Variants in ZDHHC2 observed in about 807,000 individuals in gnomAD.
ZDHHC2 encodes the protein zDHHC palmitoyltransferase 2, also known as palmitoyltransferase ZDHHC2.
In ZDHHC2, 51 loss-of-function variants were observed where a neutral mutation model predicts 55.6. That is an observed-to-expected ratio of 0.92 (90% CI 0.73 to 1.16). ZDHHC2 has a LOEUF of 1.16. Ranked by LOEUF, ZDHHC2 falls within the 50% of genes most tolerant of loss-of-function variation. The pLI, the probability that ZDHHC2 is intolerant of heterozygous loss-of-function variation, is 0.00. For missense variants in ZDHHC2, 491 were observed against 442.4 expected (o/e 1.11, Z -0.99); for synonymous variants, 199 against 152.9 (o/e 1.30, Z -2.22).
intron 3 of ZDHHC2, among the ~76,000 whole-genome samples, chr8:17,195,030 G>C (rs1164067232): frequency 6.6e-6 from 1 of 152,160 alleles, no homozygotes; most frequent in African/African-American, 2.4e-5. Context: ...AGACCCTTTA[G>C]AAGTGCTGGG....
intron 1 of ZDHHC2, among the ~76,000 whole-genome samples, chr8:17,184,313 C>T (rs989099215): frequency 6.6e-6 from 1 of 152,116 alleles, no homozygotes; most frequent in Non-Finnish European, 1.5e-5. Context: ...TGTGCATAAG[C>T]ATTTGTACTT....
intron 7 of ZDHHC2, among the ~76,000 whole-genome samples, chr8:17,206,416 A>G (rs1807104835): frequency 6.6e-6 from 1 of 152,224 alleles, no homozygotes; most frequent in African/African-American, 2.4e-5. Context: ...CCAGAGGTTC[A>G]TAGAAACCTA....
intron 1 of ZDHHC2, among the ~76,000 whole-genome samples, chr8:17,181,765 A>C (rs1327720588): frequency 6.6e-6 from 1 of 152,190 alleles, no homozygotes; most frequent in African/African-American, 2.4e-5. Flanking sequence ...TGTTATAAAT[A>C]ATCAAATTAT....
Position 17,221,033 on chromosome 8 carries a change from C to G in ZDHHC2, c.*812C>G, listed in dbSNP as rs201131131. On this transcript the variant is annotated 3_prime_UTR_variant, in exon 13 of 13. Coordinates refer to ENST00000262096, the MANE Select transcript of ZDHHC2 (RefSeq NM_016353.5). ...TTATGACATTCTTTTGTCAGTTTGG[C>G]TTTCTAAAAATCTCTTTTTAGATTA... 1.9e-4 allele frequency: 29 copies of G among 152,348 alleles called. 2 individuals carry two copies. In the East Asian group the frequency reaches 5.6e-3, roughly 29 times the overall value. 9.4% of individuals were successfully genotyped at this position (152,348 alleles called of 1,614,324 possible). A position where few individuals can be genotyped will look rare whatever the true frequency, so the allele number is the denominator to read the frequency against.
At chr8:17,211,303 C>T (rs910819933) in intron 10 of ZDHHC2, among the ~76,000 whole-genome samples, 3 of 152,042 alleles carry the variant, frequency 2.0e-5, no homozygotes, top group South Asian at 2.1e-4. Context: ...CTTCATTAAA[C>T]GTTAGAGCTT....
intron 1 of ZDHHC2, among the ~76,000 whole-genome samples, chr8:17,168,319 T>G (rs1804701969): frequency 6.6e-6 from 1 of 152,216 alleles, no homozygotes; most frequent in Admixed American, 6.5e-5. Flanking sequence ...TGTTTTTCTC[T>G]GCTTATCACT....
chr8:17,191,467 T>C (rs1248050956), intron 3 of ZDHHC2, among the ~76,000 whole-genome samples: 1 of 152,210 alleles, frequency 6.6e-6, no homozygotes, highest in Admixed American at 6.5e-5. Flanking sequence ...AGTTTCCTAC[T>C]ACCCTTCCCA....
chr8:17,205,825 T>C, intron 7 of ZDHHC2, 50 bp downstream of exon 7: 1 of 1,529,650 alleles, frequency 6.5e-7, no homozygotes, highest in Admixed American at 2.2e-5. Context: ...TAATAGATAA[T>C]ATAGGCTTTT....
rs1441672236 is a variant in ZDHHC2 at position 17,199,592 on chromosome 8, C to A, written c.476+1179C>A. Among the ~76,000 whole-genome samples, 80 of 37,104 alleles carry A rather than the reference C, an allele frequency of 2.2e-3. 1 individual carries two copies. Among genetic ancestry groups the A allele is most frequent in the Non-Finnish European group, 6.7e-3 (63 of 9,448 alleles). The allele number at this position is 37,104 out of a possible 152,430, so 24.3% of individuals were successfully genotyped here. ...CGTCTTTGTCTTCTTCTTCTTCTTTCTTCTTCTTTATTCTTTCTTCTTCTT... is the reference window on the plus strand; with the variant it reads ...CGTCTTTGTCTTCTTCTTCTTCTTTATTCTTCTTTATTCTTTCTTCTTCTT... On this transcript the variant is annotated intron_variant, in intron 6 of 12. Transcript: ENST00000262096.
intron 9 of ZDHHC2, 140 bp from the exon 10 acceptor site, chr8:17,210,248 C>G (rs1807309334): frequency 2.9e-6 from 3 of 1,038,026 alleles, no homozygotes; most frequent in East Asian, 2.6e-5. Flanking sequence ...TTCCTGAACA[C>G]TATGTTGAGC....
rs370666394 is a variant in ZDHHC2 at position 17,205,664 on chromosome 8, T to C, written c.486T>C (p.Asn162=). The change falls in exon 7 of 13, where the codon AAT becomes AAC. Residue 162 remains asparagine, a synonymous_variant. Transcript: ENST00000262096. ...TTTGTTTTGTTAACAGGGTGAACAA[T>C]TGTGTTGGATTTTCAAATTATAAGT... ...KMDHHCPWVN[N]CVGFSNYKFF... is the part of the protein sequence containing the mutation. The C allele has an allele frequency of 2.4e-5, 38 of 1,601,238 alleles. No individual in the cohort carries two copies. The highest frequency in any genetic ancestry group is 5.3e-5 in the Admixed American group (3 of 57,004).
intron 3 of ZDHHC2, among the ~76,000 whole-genome samples, chr8:17,188,540 T>C (rs1438945252): frequency 6.6e-6 from 1 of 152,220 alleles, no homozygotes. Context: ...CAGCTCCTTC[T>C]TGGCCTCCTT....
intron 6 of ZDHHC2, among the ~76,000 whole-genome samples, chr8:17,199,553 G>GTCTTCGTCTTCA (rs1563161348): frequency 1.2e-5 from 1 of 86,768 alleles, no homozygotes; most frequent in Non-Finnish European, 2.8e-5. Context: ...TTCTGTCTTC[G>GTCTTCGTCTTCA]TCTTCGTCTT....
chr8:17,191,344 G>A (rs1806017499), intron 3 of ZDHHC2, among the ~76,000 whole-genome samples: 2 of 152,060 alleles, frequency 1.3e-5, no homozygotes, highest in Non-Finnish European at 2.9e-5. Flanking sequence ...TGATCCACTC[G>A]CCTTGGCCTC....
intron 10 of ZDHHC2, among the ~76,000 whole-genome samples, chr8:17,213,486 C>G (rs1807489772): frequency 6.6e-6 from 1 of 152,140 alleles, no homozygotes. Flanking sequence ...TTCCTGACCT[C>G]AAGTGATCCA....
intron 1 of ZDHHC2, among the ~76,000 whole-genome samples, chr8:17,177,690 G>A (rs1805213298): frequency 6.6e-6 from 1 of 151,974 alleles, no homozygotes; most frequent in Non-Finnish European, 1.5e-5. Flanking sequence ...AAAATGTAGA[G>A]CTTGGCTATA....
At chr8:17,158,320 C>CT (rs1804167119) in intron 1 of ZDHHC2, among the ~76,000 whole-genome samples, 1 of 152,194 alleles carries the variant, frequency 6.6e-6, no homozygotes, top group South Asian at 2.1e-4. Context: ...CCTTCGTCCT[C>CT]TTAAAAACAG....
chr8:17,217,093 T>A, intron 11 of ZDHHC2, 79 bp from the exon 12 acceptor site: 1 of 1,430,414 alleles, frequency 7.0e-7, no homozygotes, highest in Non-Finnish European at 9.7e-7. Context: ...AAGGGATTCC[T>A]TATTCATAGA....
chr8:17,198,490 CT>C, intron 6 of ZDHHC2, 77 bp downstream of exon 6: 1 of 1,335,538 alleles, frequency 7.5e-7, no homozygotes, highest in Non-Finnish European at 1.0e-6. Context: ...CCATGTAAAT[CT>C]TTTCACACAT....
Sources: allele counts gnomAD v4.1 joint callset (sites outside exome capture counted in the v4.1 genomes callset), GRCh38; gene constraint gnomAD v4.1.1; transcripts MANE v1.5; gene names NCBI Gene and HGNC (gene_info 2026-07-23, HGNC 2026-07-21).